The following RAB38 variants were observed in gnomAD, a reference collection of about 807,000 sequenced individuals.
The protein encoded by RAB38 is ras-related protein Rab-38.
A neutral mutation model predicts 18.4 loss-of-function variants in RAB38; 15 were observed. The ratio of observed to expected loss-of-function variants is 0.82; its 90% confidence interval spans 0.55 to 1.26. RAB38 has a LOEUF of 1.26. RAB38 is among the 50% of genes most tolerant of loss of function. The pLI, the probability that RAB38 is intolerant of heterozygous loss-of-function variation, is 0.00. For missense variants in RAB38, 294 were observed against 267.4 expected (o/e 1.10, Z -0.69); for synonymous variants, 101 against 104.4 (o/e 0.97, Z 0.20).
chr11:87,976,200 T>C, the RAB38 span, among the ~76,000 whole-genome samples: 1 of 147,348 alleles, frequency 6.8e-6, no homozygotes, highest in East Asian at 2.0e-4. Context: ...TTATATATAC[T>C]CTATGTATAT....
At chr11:87,959,678 T>A in the RAB38 span, among the ~76,000 whole-genome samples, 1 of 152,176 alleles carries the variant, frequency 6.6e-6, no homozygotes, top group East Asian at 1.9e-4. Flanking sequence ...GCAAAAGTAA[T>A]ATGAGCAACT....
chr11:88,167,642 T>C (rs1565222259), intron 1 of RAB38: 1 of 152,050 alleles, frequency 6.6e-6, no homozygotes, highest in African/African-American at 2.4e-5. Context: ...GAGTGGGCAA[T>C]GAAAGGAAGG....
the RAB38 span, among the ~76,000 whole-genome samples, chr11:88,096,687 G>A: frequency 1.3e-5 from 2 of 151,832 alleles, no homozygotes; most frequent in African/African-American, 4.8e-5. Flanking sequence ...AGGAATGATG[G>A]AAGGAAATAA....
At chr11:88,011,221 TATTA>T in the RAB38 span, among the ~76,000 whole-genome samples, 3,194 of 152,316 alleles carry the variant, frequency 0.021, 93 homozygotes, top group African/African-American at 0.071. Context: ...ATTCATGCAT[TATTA>T]ATTGTTTCCT....
At chr11:88,119,938 T>C (rs1220878160) in intron 2 of RAB38, among the ~76,000 whole-genome samples, 1 of 152,210 alleles carries the variant, frequency 6.6e-6, no homozygotes, top group East Asian at 1.9e-4. Context: ...GATTTAGCAC[T>C]TGTTTATTGA....
chr11:87,934,211 G>T, the RAB38 span, among the ~76,000 whole-genome samples: 1 of 152,064 alleles, frequency 6.6e-6, no homozygotes, highest in Non-Finnish European at 1.5e-5. Context: ...CTGTGTGCTT[G>T]AAACAGACAC....
chr11:88,080,060 AC>A, the RAB38 span, among the ~76,000 whole-genome samples: 1 of 151,812 alleles, frequency 6.6e-6, no homozygotes, highest in Non-Finnish European at 1.5e-5. Flanking sequence ...AAATAAAAAA[AC>A]AAAAATAAAG....
Position 88,156,479 on chromosome 11 carries a change from G to A in RAB38, c.203-6524C>T, listed in dbSNP as rs190412499. Among the ~76,000 whole-genome samples the A allele has an allele frequency of 2.1e-3, 316 of 152,232 alleles. 2 individuals carry two copies. Among genetic ancestry groups the A allele is most frequent in the African/African-American group, 6.2e-3 (258 of 41,540 alleles). Reference sequence around the variant, plus strand: ...AGCACTTTGGGAGGCCGAGGCAGGCGGATCATGAGGTCAGGAGTTCGAGAC... The same window carrying A: ...AGCACTTTGGGAGGCCGAGGCAGGCAGATCATGAGGTCAGGAGTTCGAGAC... On this transcript the variant is annotated intron_variant, in intron 1 of 2. Coordinates refer to ENST00000243662, the MANE Select transcript of RAB38 (RefSeq NM_022337.3).
At chr11:87,971,858 T>A in the RAB38 span, among the ~76,000 whole-genome samples, 1 of 152,050 alleles carries the variant, frequency 6.6e-6, no homozygotes, top group Non-Finnish European at 1.5e-5. Flanking sequence ...CTGAATGTAG[T>A]AGACAGAATG....
chr11:87,942,291 G>C, the RAB38 span, among the ~76,000 whole-genome samples: 1 of 152,108 alleles, frequency 6.6e-6, no homozygotes, highest in Non-Finnish European at 1.5e-5. Flanking sequence ...TTTCCCAGCT[G>C]ATGTTGCTGG....
At chr11:88,143,218 A>G (rs1401172425) in intron 2 of RAB38, among the ~76,000 whole-genome samples, 2 of 152,242 alleles carry the variant, frequency 1.3e-5, no homozygotes, top group African/African-American at 4.8e-5. Context: ...AAAAAGTAAC[A>G]GTACTTACTG....
chr11:87,849,296 C>A, the RAB38 span, among the ~76,000 whole-genome samples: 1 of 152,102 alleles, frequency 6.6e-6, no homozygotes, highest in African/African-American at 2.4e-5. Flanking sequence ...TTTCTGGTTT[C>A]ATTATTAATA....
the RAB38 span, chr11:88,060,369 T>C: frequency 9.9e-5 from 15 of 152,230 alleles, no homozygotes; most frequent in Non-Finnish European, 2.9e-5. Flanking sequence ...GGAAAATGTA[T>C]ATGTGTTTGA....
the RAB38 span, among the ~76,000 whole-genome samples, chr11:87,819,215 T>C: frequency 1.3e-5 from 2 of 152,182 alleles, no homozygotes; most frequent in Non-Finnish European, 2.9e-5. Flanking sequence ...TGCTGAGAAA[T>C]AGGCAGTGTA....
chr11:88,043,667 C>T, the RAB38 span, among the ~76,000 whole-genome samples: 1 of 135,016 alleles, frequency 7.4e-6, no homozygotes, highest in Admixed American at 8.3e-5. Flanking sequence ...CTACCCAAAT[C>T]TTATAAAATG....
chr11:88,022,164 T>G, the RAB38 span, among the ~76,000 whole-genome samples: 1 of 152,230 alleles, frequency 6.6e-6, no homozygotes, highest in African/African-American at 2.4e-5. Context: ...CAAAGTGGTA[T>G]CCCAGGGATG....
At chr11:88,156,993 A>T (rs1313023930) in intron 1 of RAB38, among the ~76,000 whole-genome samples, 1 of 152,190 alleles carries the variant, frequency 6.6e-6, no homozygotes, top group African/African-American at 2.4e-5. Context: ...CTCACATATA[A>T]ATATTAACCT....
At chr11:87,821,247 G>C in the RAB38 span, among the ~76,000 whole-genome samples, 23 of 152,252 alleles carry the variant, frequency 1.5e-4, no homozygotes, top group African/African-American at 5.3e-4. Context: ...AGACTACTTC[G>C]AAAGTAGTAA....
the RAB38 span, among the ~76,000 whole-genome samples, chr11:87,941,086 TAAAAG>T: frequency 6.6e-6 from 1 of 151,140 alleles, no homozygotes; most frequent in African/African-American, 2.4e-5. Context: ...TTCTTGCTCT[TAAAAG>T]AACCTGAAGT....
Sources: allele counts gnomAD v4.1 joint callset (sites outside exome capture counted in the v4.1 genomes callset), GRCh38; gene constraint gnomAD v4.1.1; transcripts MANE v1.5; gene names NCBI Gene and HGNC (gene_info 2026-07-23, HGNC 2026-07-21).